Variants in FAM171B observed in about 807,000 individuals in gnomAD.
FAM171B encodes the protein protein FAM171B.
FAM171B carries 19 observed loss-of-function variants against 75.6 expected under a neutral mutation model. That is an observed-to-expected ratio of 0.25 (90% CI 0.18 to 0.37). The LOEUF is 0.37. FAM171B is among the 10% of genes least tolerant of loss of function. The pLI, the probability that FAM171B is intolerant of heterozygous loss-of-function variation, is 1.00. For missense variants in FAM171B, 848 were observed against 982.4 expected (o/e 0.86, Z 1.83); for synonymous variants, 367 against 361.7 (o/e 1.01, Z -0.17).
chr2:186,735,271 G>C (rs1690182826), intron 1 of FAM171B, among the ~76,000 whole-genome samples: 1 of 152,158 alleles, frequency 6.6e-6, no homozygotes. Context: ...GATTGGTTGG[G>C]TTGGAGATGA....
At chr2:186,761,057 A>C in intron 6 of FAM171B, 56 bp from the exon 7 acceptor site, 1 of 1,549,232 alleles carries the variant, frequency 6.5e-7, no homozygotes, top group Non-Finnish European at 8.8e-7. Flanking sequence ...GATGTGACAT[A>C]GTTGAGAATT....
Position 186,740,474 on chromosome 2 carries a change from AC to A in FAM171B, c.472+14del. On this transcript the variant is annotated intron_variant, in intron 2 of 7. Coordinates refer to ENST00000304698, the MANE Select transcript of FAM171B (RefSeq NM_177454.4). The stretch of plus-strand genomic sequence containing the variant: ...AGAAGAATGCCAAGTAAGCACTTAA[AC>A]AGTTTTTTTTTGTTTGTTTTTGCTA... 1 of 1,591,612 alleles carries A rather than the reference AC, an allele frequency of 6.3e-7. No homozygotes were observed. The highest frequency in any genetic ancestry group is 8.6e-7 in the Non-Finnish European group (1 of 1,166,908).
rs718259 is a variant in FAM171B at position 186,765,819 on chromosome 2, G to A, written c.*2996G>A. Reference sequence around the variant, plus strand: ...TTGTTTCCAGGTGTTTCTATTTTTTGTATTCTTTCAGAGAAATCTCATATT... The same window carrying A: ...TTGTTTCCAGGTGTTTCTATTTTTTATATTCTTTCAGAGAAATCTCATATT... On this transcript the variant is annotated 3_prime_UTR_variant, in exon 8 of 8. Transcript: ENST00000304698. 6.6e-6 allele frequency: 1 copy of A among 151,742 alleles called. No homozygotes were observed. Among genetic ancestry groups the A allele is most frequent in the Non-Finnish European group, 1.5e-5 (1 of 67,880 alleles). The allele number at this position is 151,742 out of a possible 1,614,324, so 9.4% of individuals were successfully genotyped here. A position where few individuals can be genotyped will look rare whatever the true frequency, so the allele number is the denominator to read the frequency against.
intron 6 of FAM171B, 40 bp downstream of exon 6, chr2:186,754,089 A>G (rs763585240): frequency 1.6e-5 from 24 of 1,459,420 alleles, no homozygotes; most frequent in Non-Finnish European, 2.2e-5. Flanking sequence ...ATGTAATTCA[A>G]ATAGTCTTGC....
intron 1 of FAM171B, among the ~76,000 whole-genome samples, chr2:186,709,721 T>C (rs895715045): frequency 3.9e-5 from 6 of 152,172 alleles, no homozygotes; most frequent in African/African-American, 1.4e-4. Context: ...TTTCCCCTAA[T>C]GTATCATGAA....
At chr2:186,696,875 GT>G (rs57206236) in intron 1 of FAM171B, among the ~76,000 whole-genome samples, 142,188 of 152,128 alleles carry the variant, frequency 0.93, 66,958 homozygotes, top group Middle Eastern at 1. Context: ...TAATAAGCCT[GT>G]TTTTCCCTTG....
At chr2:186,755,326 T>A (rs1297928480) in intron 6 of FAM171B, among the ~76,000 whole-genome samples, 2 of 152,200 alleles carry the variant, frequency 1.3e-5, no homozygotes, top group Non-Finnish European at 2.9e-5. Flanking sequence ...TCCTTTATTC[T>A]TGTAGGTTTG....
chr2:186,761,338 A>G, intron 7 of FAM171B, 102 bp downstream of exon 7: 3 of 1,452,906 alleles, frequency 2.1e-6, no homozygotes, highest in Non-Finnish European at 2.8e-6. Flanking sequence ...ATTTAATCTT[A>G]TAATATATCC....
Position 186,764,212 on chromosome 2 carries a change from C to T in FAM171B, c.*1389C>T, listed in dbSNP as rs1294318139. 3 of 152,000 alleles carry T rather than the reference C, an allele frequency of 2.0e-5. No homozygotes were observed. Among genetic ancestry groups the T allele is most frequent in the Non-Finnish European group, 4.4e-5 (3 of 67,938 alleles). The allele number at this position is 152,000 out of a possible 1,614,324, so 9.4% of individuals were successfully genotyped here. On this transcript the variant is annotated 3_prime_UTR_variant, in exon 8 of 8. Coordinates refer to ENST00000304698, the MANE Select transcript of FAM171B (RefSeq NM_177454.4). ...ATCCTAAATTGCTTTATTTTTCATT[C>T]CCTCCTATTCAACATGGGAGCAGCA... is the stretch of plus-strand genomic sequence containing the variant.
At chr2:186,734,159 G>T (rs1048042012) in intron 1 of FAM171B, among the ~76,000 whole-genome samples, 2 of 152,168 alleles carry the variant, frequency 1.3e-5, no homozygotes, top group African/African-American at 4.8e-5. Flanking sequence ...ATCAGTGTAG[G>T]TATAAATGAT....
intron 1 of FAM171B, among the ~76,000 whole-genome samples, chr2:186,702,100 A>AATTAAC: frequency 6.6e-6 from 1 of 152,204 alleles, no homozygotes; most frequent in Non-Finnish European, 1.5e-5. Flanking sequence ...GCATTATTGA[A>AATTAAC]CAACAAGGAC....
chr2:186,743,374 T>C (rs539855813), intron 2 of FAM171B, 109 bp from the exon 3 acceptor site: 3 of 651,518 alleles, frequency 4.6e-6, no homozygotes, highest in South Asian at 4.2e-5. Flanking sequence ...CAAGCATTTG[T>C]TCCCCCCCAC....
intron 1 of FAM171B, among the ~76,000 whole-genome samples, chr2:186,732,130 A>T (rs765740508): frequency 1.1e-4 from 17 of 152,142 alleles, no homozygotes; most frequent in Non-Finnish European, 2.1e-4. Flanking sequence ...GTCTGGTGCC[A>T]AAAAGGTTGG....
chr2:186,718,171 A>G (rs1261044579), intron 1 of FAM171B, among the ~76,000 whole-genome samples: 1 of 140,784 alleles, frequency 7.1e-6, no homozygotes, highest in Non-Finnish European at 1.5e-5. Flanking sequence ...CTCCTAAACT[A>G]TTTCAATAGC....
intron 1 of FAM171B, among the ~76,000 whole-genome samples, chr2:186,729,792 C>A (rs1260841418): frequency 6.6e-6 from 1 of 152,088 alleles, no homozygotes; most frequent in Non-Finnish European, 1.5e-5. Flanking sequence ...TCCTTCTGAG[C>A]ATTGGTTGTG....
chr2:186,751,265 G>T lies in FAM171B; in HGVS notation c.856G>T (p.Gly286Trp). ...TCTACGTCTGAATGATATAAGTGCA[G>T]GGGATCGCATACCTGCTTGGACATT... ...PLLRLNDISA[G>W]DRIPAWTFDM... Residue 286 changes from glycine (G) to tryptophan (W), a missense_variant, in exon 5 of 8, where the codon GGG becomes TGG. Physicochemically the swap from Gly to Trp is radical, Grantham distance 184 (BLOSUM62 -2). Transcript: ENST00000304698. 6.2e-7 allele frequency: 1 copy of T among 1,606,680 alleles called. No homozygotes were observed. Among genetic ancestry groups the T allele is most frequent in the Non-Finnish European group, 8.5e-7 (1 of 1,175,168 alleles).
At chr2:186,745,845 A>AC (rs1270143002) in intron 3 of FAM171B, among the ~76,000 whole-genome samples, 6 of 152,366 alleles carry the variant, frequency 3.9e-5, no homozygotes, top group African/African-American at 1.2e-4. Context: ...CATAGGTAGT[A>AC]CCTGTGAGTG....
intron 1 of FAM171B, among the ~76,000 whole-genome samples, chr2:186,720,062 G>A (rs1472783069): frequency 6.6e-6 from 1 of 152,176 alleles, no homozygotes; most frequent in East Asian, 1.9e-4. Flanking sequence ...TGTTGAGACG[G>A]AGTCTCGCTC....
At chr2:186,756,773 G>A (rs559927283) in intron 6 of FAM171B, among the ~76,000 whole-genome samples, 59 of 152,296 alleles carry the variant, frequency 3.9e-4, no homozygotes, top group African/African-American at 1.4e-3. Context: ...CAAGCAGCAG[G>A]TTCTCAGTTT....
Sources: gnomAD v4.1 joint callset for allele counts (sites outside exome capture counted in the v4.1 genomes callset) on GRCh38, gnomAD v4.1.1 for gene constraint, MANE v1.5 for transcripts, NCBI Gene and HGNC (gene_info 2026-07-23, HGNC 2026-07-21) for gene names.